LIG1: variants seen among roughly 807,000 people sequenced by gnomAD.
LIG1 encodes the protein ligase I, DNA, ATP-dependent.
A neutral mutation model predicts 115.7 loss-of-function variants in LIG1; 70 were observed. The observed-to-expected ratio is 0.60, with a 90% CI of 0.50 to 0.74. LIG1 has a LOEUF of 0.74. Ranked by LOEUF, LIG1 falls within the 30% of genes least tolerant of loss-of-function variation. LIG1 has a pLI of 0.00. For missense variants in LIG1, 1,115 were observed against 1,225.6 expected (o/e 0.91, Z 1.35); for synonymous variants, 487 against 495.3 (o/e 0.98, Z 0.22).
chr19:48,157,264 C>T, intron 4 of LIG1, 124 bp from the exon 5 acceptor site: 1 of 1,127,028 alleles, frequency 8.9e-7, no homozygotes, highest in South Asian at 1.9e-5. Flanking sequence ...ATGGTCTCAG[C>T]CCTAACTCAG....
Position 48,165,617 on chromosome 19 carries a change from G to C in LIG1, c.-51C>G, listed in dbSNP as rs768883386. On this transcript the variant is annotated 5_prime_UTR_variant, in exon 2 of 28. Coordinates refer to ENST00000263274, the MANE Select transcript of LIG1 (RefSeq NM_000234.3). ...GTCCAGCACTTTTCTTCGTCTGTCA[G>C]CTGCTCCTGGAACAGAAATCCAAAC... The C allele has an allele frequency of 5.0e-6, 8 of 1,613,358 alleles. No individual in the cohort carries two copies. In the African/African-American group the frequency reaches 1.1e-4, roughly 22 times the overall value.
At chr19:48,140,809 A>G (rs958226652) in intron 11 of LIG1, among the ~76,000 whole-genome samples, 6 of 151,558 alleles carry the variant, frequency 4.0e-5, no homozygotes, top group Admixed American at 3.3e-4. Flanking sequence ...AACCTGACCA[A>G]TCAGCACTCC....
At chr19:48,162,988 C>T (rs1343893553) in intron 2 of LIG1, among the ~76,000 whole-genome samples, 8 of 151,232 alleles carry the variant, frequency 5.3e-5, no homozygotes, top group African/African-American at 1.9e-4. Flanking sequence ...GATCTCGGCT[C>T]ACTGCAACTT....
chr19:48,141,870 C>G (rs545052904), intron 11 of LIG1, among the ~76,000 whole-genome samples: 1 of 152,226 alleles, frequency 6.6e-6, no homozygotes, highest in Non-Finnish European at 1.5e-5. Context: ...ATGGAACAGC[C>G]CCCCCAAAAT....
chr19:48,162,147 G>T, intron 3 of LIG1, 115 bp downstream of exon 3: 1 of 913,260 alleles, frequency 1.1e-6, no homozygotes, highest in Non-Finnish European at 1.8e-6. Flanking sequence ...TGGCCACCTG[G>T]CTGAAAAAGT....
intron 9 of LIG1, among the ~76,000 whole-genome samples, chr19:48,145,521 T>C (rs1888873004): frequency 6.6e-6 from 1 of 150,494 alleles, no homozygotes; most frequent in African/African-American, 2.4e-5. Context: ...GACCTCAGGA[T>C]ATTTTTCAGC....
chr19:48,163,818 G>A (rs979566247), intron 2 of LIG1, among the ~76,000 whole-genome samples: 2 of 151,750 alleles, frequency 1.3e-5, no homozygotes, highest in Non-Finnish European at 2.9e-5. Context: ...GGTGGCAGGC[G>A]CCTGTAGTCC....
rs773362119 is a variant in LIG1, at chr19:48,137,510, C to T, written c.1254+12G>A. The stretch of plus-strand genomic sequence containing the variant: ...TGTCTGGGGTCCGGGATGAGCGGCC[C>T]GCCCCACTCACAGCACTGCCAGTGA... On this transcript the variant is annotated intron_variant, in intron 13 of 27. Transcript: ENST00000263274. The surrounding 1 kb of genome is among the most constrained non-coding windows in gnomAD (Gnocchi z 4.3). 12 of 1,610,862 alleles carry T rather than the reference C, an allele frequency of 7.4e-6. No individual in the cohort carries two copies. Among genetic ancestry groups the T allele is most frequent in the Admixed American group, 3.3e-5 (2 of 60,002 alleles).
rs140751765 is a variant in LIG1 at position 48,168,874 on chromosome 19, C to T, written c.-58+1367G>A. Among the ~76,000 whole-genome samples, 1,220 of 152,224 alleles carry T rather than the reference C, an allele frequency of 8.0e-3. 11 individuals carry two copies. The highest frequency in any genetic ancestry group is 0.028 in the African/African-American group (1,155 of 41,514). ...AATACACTGAAATACACTTTAAATA[C>T]ACTGAAAACCGCTGACTTGTACATT... On this transcript the variant is annotated intron_variant, in intron 1 of 27. Coordinates refer to ENST00000263274, the MANE Select transcript of LIG1 (RefSeq NM_000234.3).
chr19:48,148,411 G>T (rs1391031520), intron 9 of LIG1, among the ~76,000 whole-genome samples: 3 of 151,308 alleles, frequency 2.0e-5, no homozygotes, highest in African/African-American at 7.3e-5. Context: ...GGAAGTTGAA[G>T]GTGCAATGAG....
Position 48,137,370 on chromosome 19 carries a change from T to G in LIG1, c.1254+152A>C, listed in dbSNP as rs1338228677. The G allele has an allele frequency of 5.1e-6, 5 of 984,126 alleles. No individual in the cohort carries two copies. In the Admixed American group the frequency reaches 6.3e-5, roughly 12 times the overall value. The allele number at this position is 984,126 out of a possible 1,614,324, so 61.0% of individuals were successfully genotyped here. A position where few individuals can be genotyped will look rare whatever the true frequency, so the allele number is the denominator to read the frequency against. On this transcript the variant is annotated intron_variant, in intron 13 of 27. Coordinates refer to ENST00000263274, the MANE Select transcript of LIG1 (RefSeq NM_000234.3). This position sits in a 1 kb window ranked among gnomAD's most constrained non-coding sequence, Gnocchi z 4.3. ...TCTGAAGAGGAGACTCCCCTAGGAT[T>G]GGGTGCAGGAAGGAGGAGAGGAAGC...
At chr19:48,132,886 G>A in intron 18 of LIG1, 96 bp downstream of exon 18, 2 of 883,982 alleles carry the variant, frequency 2.3e-6, no homozygotes, top group South Asian at 2.6e-5. Flanking sequence ...GCAGTCTGTG[G>A]CGCAGGCCGG....
intron 23 of LIG1, among the ~76,000 whole-genome samples, chr19:48,121,879 G>A (rs1157000444): frequency 2.0e-5 from 3 of 152,300 alleles, no homozygotes; most frequent in South Asian, 2.1e-4. Flanking sequence ...CAGCCTTGCC[G>A]CCGTCTTTCC....
At chr19:48,164,613 G>C (rs943359552) in intron 2 of LIG1, among the ~76,000 whole-genome samples, 1 of 152,226 alleles carries the variant, frequency 6.6e-6, no homozygotes. Context: ...GCTAAGAGGG[G>C]AGAGCCCGCC....
chr19:48,139,495 C>T (rs1028982100), intron 12 of LIG1, among the ~76,000 whole-genome samples: 3 of 152,144 alleles, frequency 2.0e-5, no homozygotes, highest in Admixed American at 6.5e-5. Flanking sequence ...TCATGATAAG[C>T]ACCGAGCACT....
rs756827845 is a variant in LIG1 at position 48,161,525 on chromosome 19, G to A, written c.108-18C>T. On this transcript the variant is annotated intron_variant, in intron 3 of 27. Transcript: ENST00000263274. The stretch of plus-strand genomic sequence containing the variant: ...GTGCCGCCCTGGAAGGTGGGGAAAT[G>A]GGGGTGTAAAGGGGCGACTACAGCA... 4 of 1,613,740 alleles carry A rather than the reference G, an allele frequency of 2.5e-6. No individual in the cohort carries two copies. The highest frequency in any genetic ancestry group is 3.4e-6 in the Non-Finnish European group (4 of 1,179,862).
At position 48,156,229 on chromosome 19, in the gene LIG1, T is replaced by TC. The variant is rs2035827277; in HGVS notation, c.370+784dup. Among the ~76,000 whole-genome samples the TC allele has an allele frequency of 1.1e-4, 17 of 152,132 alleles. 1 individual carries two copies. Among genetic ancestry groups the TC allele is most frequent in the Admixed American group, 1.1e-3 (17 of 15,266 alleles). On this transcript the variant is annotated intron_variant, in intron 5 of 27. Transcript: ENST00000263274. ...TCTATGTTCCCCTTGCCTAGCATGC[T>TC]CCCCTCCTCCTTTGCTTGTTGCCTC...
intron 14 of LIG1, 67 bp downstream of exon 14, chr19:48,136,941 G>C: frequency 1.6e-6 from 2 of 1,281,016 alleles, no homozygotes; most frequent in South Asian, 2.5e-5. Flanking sequence ...CCAGCTGCCA[G>C]TCCCTCCCTC....
At position 48,150,757 on chromosome 19, in the gene LIG1, G is replaced by A. The variant is rs190483913; in HGVS notation, c.574+475C>T. On this transcript the variant is annotated intron_variant, in intron 7 of 27. Transcript: ENST00000263274. ...CTGTGGCCAAGGCTGGAGTGCAGTG[G>A]TGCGACCATAGGTCACTGCAACCTC... Among the ~76,000 whole-genome samples, 42 of 152,298 alleles carry A rather than the reference G, an allele frequency of 2.8e-4. 2 individuals carry two copies. Among genetic ancestry groups the A allele is most frequent in the African/African-American group, 9.1e-4 (38 of 41,546 alleles).
Sources: allele counts gnomAD v4.1 joint callset (sites outside exome capture counted in the v4.1 genomes callset), GRCh38; gene constraint gnomAD v4.1.1; non-coding constraint Gnocchi (gnomAD v3.1); transcripts MANE v1.5; gene names NCBI Gene and HGNC (gene_info 2026-07-23, HGNC 2026-07-21).